The following NBAS variants were observed in gnomAD, a reference collection of about 807,000 sequenced individuals.
The protein encoded by NBAS is NAG/BC035112 fusion.
Under a neutral mutation model 302.5 loss-of-function variants are expected in NBAS, and 219 were observed. The observed-to-expected ratio is 0.72, with a 90% CI of 0.65 to 0.81. The LOEUF (loss-of-function observed/expected upper bound fraction) is 0.81, where lower values mean the gene tolerates loss of function less well. Ranked by LOEUF, NBAS falls within the 30% of genes least tolerant of loss-of-function variation. NBAS has a pLI of 0.00. For missense variants in NBAS, 2,932 were observed against 2,841.6 expected (o/e 1.03, Z -0.72); for synonymous variants, 1,118 against 1,021.6 (o/e 1.09, Z -1.80).
At chr2:14,808,675 A>G in the NBAS span, among the ~76,000 whole-genome samples, 1 of 152,208 alleles carries the variant, frequency 6.6e-6, no homozygotes, top group Non-Finnish European at 1.5e-5. Flanking sequence ...ATGAAAACAG[A>G]CTAATACAGT....
At chr2:15,128,200 T>C in the NBAS span, among the ~76,000 whole-genome samples, 2 of 152,220 alleles carry the variant, frequency 1.3e-5, no homozygotes, top group African/African-American at 4.8e-5. Flanking sequence ...ACTTATTTGG[T>C]CAAAACCTGG....
At chr2:15,467,640 A>G (rs1679779899) in intron 18 of NBAS, 24 bp downstream of exon 18, 4 of 1,601,838 alleles carry the variant, frequency 2.5e-6, no homozygotes, top group Middle Eastern at 1.7e-4. Context: ...GAAACTATCA[A>G]ATGAACAGTA....
the NBAS span, among the ~76,000 whole-genome samples, chr2:15,071,029 T>A: frequency 7.2e-5 from 11 of 152,132 alleles, no homozygotes; most frequent in Non-Finnish European, 1.6e-4. Context: ...AAAGCTGGTG[T>A]GGCAGATGGA....
intron 44 of NBAS, among the ~76,000 whole-genome samples, chr2:15,246,530 C>T (rs551464694): frequency 6.6e-6 from 1 of 152,210 alleles, no homozygotes; most frequent in Non-Finnish European, 1.5e-5. Context: ...CTCAACATGT[C>T]CCTGGAAAGT....
At chr2:14,994,491 T>C in the NBAS span, among the ~76,000 whole-genome samples, 1 of 152,148 alleles carries the variant, frequency 6.6e-6, no homozygotes, top group Non-Finnish European at 1.5e-5. Context: ...GCTATGATAA[T>C]AACGGACCCT....
chr2:15,210,085 C>A (rs909202469), intron 48 of NBAS, among the ~76,000 whole-genome samples: 2 of 151,946 alleles, frequency 1.3e-5, no homozygotes, highest in Non-Finnish European at 2.9e-5. Context: ...TTGAGTAATA[C>A]CCCACAAGCA....
At chr2:15,558,682 T>A in intron 1 of NBAS, 48 bp from the exon 2 acceptor site, 1 of 1,354,646 alleles carries the variant, frequency 7.4e-7, no homozygotes. Flanking sequence ...TCTAGTAGTA[T>A]TAGACCAGTA....
chr2:14,922,527 C>G, the NBAS span, among the ~76,000 whole-genome samples: 1 of 152,200 alleles, frequency 6.6e-6, no homozygotes, highest in Non-Finnish European at 1.5e-5. Context: ...TCCTTTACAT[C>G]CTCACATGGC....
At chr2:15,332,839 T>C (rs1230958615) in intron 35 of NBAS, among the ~76,000 whole-genome samples, 1 of 152,224 alleles carries the variant, frequency 6.6e-6, no homozygotes, top group Admixed American at 6.5e-5. Flanking sequence ...CCCTTACAGA[T>C]TGTCTTACTG....
the NBAS span, among the ~76,000 whole-genome samples, chr2:14,897,049 C>A: frequency 2.0e-5 from 3 of 149,566 alleles, no homozygotes; most frequent in Admixed American, 1.3e-4. Context: ...CCCCTAAAAG[C>A]CTGAGCCGTT....
chr2:15,077,148 C>G, the NBAS span, among the ~76,000 whole-genome samples: 1 of 152,176 alleles, frequency 6.6e-6, no homozygotes, highest in Non-Finnish European at 1.5e-5. Context: ...AGGAAACTTA[C>G]AATCATGGCG....
chr2:15,087,334 T>C, the NBAS span, among the ~76,000 whole-genome samples: 1 of 152,194 alleles, frequency 6.6e-6, no homozygotes, highest in African/African-American at 2.4e-5. Context: ...TTAAAATAGG[T>C]ACCTGAGTAA....
the NBAS span, among the ~76,000 whole-genome samples, chr2:14,876,897 GTA>G: frequency 6.6e-6 from 1 of 152,228 alleles, no homozygotes; most frequent in Admixed American, 6.5e-5. Flanking sequence ...TTGGTCACAT[GTA>G]TTTCAGGAAT....
At chr2:15,166,864 A>G, downstream of NBAS, 2 of 649,664 alleles carry the variant, frequency 3.1e-6, no homozygotes, top group South Asian at 8.3e-5. Flanking sequence ...AAATATGTTC[A>G]CCACTCAGTA....
chr2:15,204,640 A>G (rs1364037615), intron 48 of NBAS, among the ~76,000 whole-genome samples: 1 of 152,224 alleles, frequency 6.6e-6, no homozygotes, highest in African/African-American at 2.4e-5. Context: ...CTGGATTAAG[A>G]AAATGTGGCA....
At chr2:14,881,473 T>G in the NBAS span, among the ~76,000 whole-genome samples, 3 of 152,206 alleles carry the variant, frequency 2.0e-5, no homozygotes, top group Non-Finnish European at 4.4e-5. Flanking sequence ...ATGCAATTAC[T>G]CATGTAACAA....
At chr2:14,920,010 C>G in the NBAS span, among the ~76,000 whole-genome samples, 3 of 152,148 alleles carry the variant, frequency 2.0e-5, no homozygotes, top group African/African-American at 7.2e-5. Context: ...CCTTCCAGAA[C>G]GTTTTCAATT....
At chr2:15,272,425 T>C (rs1669366307) in intron 44 of NBAS, among the ~76,000 whole-genome samples, 1 of 152,224 alleles carries the variant, frequency 6.6e-6, no homozygotes, top group Admixed American at 6.5e-5. Context: ...CTTCCAAATA[T>C]GTTCTCTGAC....
At chr2:15,056,274 T>A in the NBAS span, among the ~76,000 whole-genome samples, 1 of 152,234 alleles carries the variant, frequency 6.6e-6, no homozygotes, top group Non-Finnish European at 1.5e-5. Flanking sequence ...GAATCAATGT[T>A]AATTGGATGA....
Sources: gnomAD v4.1 joint callset for allele counts (sites outside exome capture counted in the v4.1 genomes callset) on GRCh38, gnomAD v4.1.1 for gene constraint, MANE v1.5 for transcripts, NCBI Gene and HGNC (gene_info 2026-07-23, HGNC 2026-07-21) for gene names.